Variants in ITCH observed in about 807,000 individuals in gnomAD.
ITCH encodes the protein itchy E3 ubiquitin protein ligase.
Under a neutral mutation model 126.8 loss-of-function variants are expected in ITCH, and 28 were observed. The ratio of observed to expected loss-of-function variants is 0.22; its 90% CI spans 0.16 to 0.30. ITCH has a LOEUF of 0.30. ITCH is among the 10% of genes least tolerant of loss of function. The pLI, the probability that ITCH is intolerant of heterozygous loss-of-function variation, is 1.00. For synonymous variants in ITCH, 342 were observed against 340.0 expected, an observed-to-expected ratio of 1.01 and a Z score of -0.06; for missense variants, 631 against 1,032.4, an observed-to-expected ratio of 0.61 and a Z score of 5.33.
intron 12 of ITCH, among the ~76,000 whole-genome samples, chr20:34,456,137 T>A (rs1985885460): frequency 6.9e-6 from 1 of 145,324 alleles, no homozygotes; most frequent in African/African-American, 2.5e-5. Flanking sequence ...ATATTCCTTA[T>A]TTTATATATA....
chr20:34,407,773 C>A (rs1040928397), intron 3 of ITCH, among the ~76,000 whole-genome samples: 2 of 152,166 alleles, frequency 1.3e-5, no homozygotes, highest in Non-Finnish European at 1.5e-5. Context: ...TTCTCAAAGG[C>A]CTTCCTTACT....
At chr20:34,481,884 G>A (rs964152390) in intron 20 of ITCH, among the ~76,000 whole-genome samples, 7 of 152,160 alleles carry the variant, frequency 4.6e-5, no homozygotes, top group African/African-American at 1.7e-4. Flanking sequence ...GGTGGCATGT[G>A]CCTGTAATCC....
intron 23 of ITCH, among the ~76,000 whole-genome samples, chr20:34,501,301 C>T (rs1039672145): frequency 1.3e-5 from 2 of 152,222 alleles, no homozygotes; most frequent in South Asian, 2.1e-4. Context: ...AATACTTATA[C>T]ATAGCCTTAA....
At chr20:34,420,284 G>C (rs1381116808) in intron 6 of ITCH, among the ~76,000 whole-genome samples, 9 of 152,064 alleles carry the variant, frequency 5.9e-5, no homozygotes, top group African/African-American at 2.2e-4. Context: ...TCTGCTCTCT[G>C]TCTCTATGGA....
chr20:34,431,139 A>T (rs1982237383), intron 7 of ITCH, among the ~76,000 whole-genome samples: 1 of 152,148 alleles, frequency 6.6e-6, no homozygotes, highest in Non-Finnish European at 1.5e-5. Context: ...CTGGCAGGGC[A>T]TGGTGGCTAA....
At chr20:34,417,840 T>A (rs1386932931) in intron 6 of ITCH, among the ~76,000 whole-genome samples, 1 of 151,810 alleles carries the variant, frequency 6.6e-6, no homozygotes, top group Non-Finnish European at 1.5e-5. Context: ...TGGGATGGTT[T>A]TTTTGGTGAG....
In ITCH at chr20:34,445,464, G is replaced by A; in HGVS notation, c.1140+3G>A. 6.2e-7 allele frequency: 1 copy of A among 1,613,590 alleles called. No individual in the cohort carries two copies. Among genetic ancestry groups the A allele is most frequent in the Non-Finnish European group, 8.5e-7 (1 of 1,179,516 alleles). Reference sequence around the variant, plus strand: ...TTAACCAGAGATTCATTTATGGGGTGAGCAGCCTGTTGTTTAATAAACTAA... The same window carrying A: ...TTAACCAGAGATTCATTTATGGGGTAAGCAGCCTGTTGTTTAATAAACTAA... On this transcript the variant is annotated splice_donor_region_variant and intron_variant, in intron 11 of 24. Transcript: ENST00000374864.
intron 23 of ITCH, among the ~76,000 whole-genome samples, chr20:34,501,539 G>GCTGAGGCGGGCGGATCAC (rs1990243467): frequency 6.6e-6 from 1 of 152,196 alleles, no homozygotes; most frequent in African/African-American, 2.4e-5. Flanking sequence ...ACTTTGGGAG[G>GCTGAGGCGGGCGGATCAC]CTGAGGCGGG....
chr20:34,464,428 G>T (rs1175562813), intron 14 of ITCH, among the ~76,000 whole-genome samples: 1 of 150,784 alleles, frequency 6.6e-6, no homozygotes, highest in Non-Finnish European at 1.5e-5. Flanking sequence ...CTGGGTTCAA[G>T]CTATTCTCCT....
At chr20:34,427,583 G>A (rs1981716361) in intron 7 of ITCH, among the ~76,000 whole-genome samples, 1 of 152,094 alleles carries the variant, frequency 6.6e-6, no homozygotes, top group South Asian at 2.1e-4. Flanking sequence ...ACTGTACTCA[G>A]AGTGATGACA....
Position 34,481,155 on chromosome 20 carries a change from C to T in ITCH, c.2042C>T (p.Pro681Leu). The T allele has an allele frequency of 6.2e-7, 1 of 1,613,208 alleles. No individual in the cohort carries two copies. Among genetic ancestry groups the T allele is most frequent in the Non-Finnish European group, 8.5e-7 (1 of 1,179,420 alleles). The change falls in exon 20 of 25, where the codon CCT becomes CTT. Residue 681 changes from proline (P) to leucine (L), a missense_variant. Transcript: ENST00000374864. ...GAAATTAAGAGTCATGATCTGAAAC[C>T]TAATGGTGGCAATATTCTTGTAACA... ...LGEIKSHDLKPNGGNILVTEE... is the reference protein window; with the variant it reads ...LGEIKSHDLKLNGGNILVTEE...
At chr20:34,375,613 A>G (rs1261497346) in intron 2 of ITCH, among the ~76,000 whole-genome samples, 1 of 149,788 alleles carries the variant, frequency 6.7e-6, no homozygotes, top group Non-Finnish European at 1.5e-5. Flanking sequence ...CATGATAAAT[A>G]TATACCTTTT....
chr20:34,379,653 A>C (rs1227655117), intron 2 of ITCH, among the ~76,000 whole-genome samples: 1 of 137,182 alleles, frequency 7.3e-6, no homozygotes, highest in Non-Finnish European at 1.5e-5. Flanking sequence ...GGAGTGCAGT[A>C]GTGCGATCTT....
intron 1 of ITCH, among the ~76,000 whole-genome samples, chr20:34,363,990 C>T (rs939278510): frequency 1.3e-5 from 2 of 152,192 alleles, no homozygotes; most frequent in African/African-American, 4.8e-5. Flanking sequence ...CACTGCCCTT[C>T]CTCCGGAGAG....
intron 14 of ITCH, 63 bp downstream of exon 14, chr20:34,462,284 GA>G: frequency 6.6e-7 from 1 of 1,524,088 alleles, no homozygotes; most frequent in Admixed American, 1.7e-5. Flanking sequence ...TTGATATAAA[GA>G]TTTGTATTAG....
intron 2 of ITCH, among the ~76,000 whole-genome samples, chr20:34,377,006 C>G (rs2037871808): frequency 6.6e-6 from 1 of 152,194 alleles, no homozygotes; most frequent in Non-Finnish European, 1.5e-5. Flanking sequence ...ATCCCTTACT[C>G]AGTCCCAACA....
intron 16 of ITCH, among the ~76,000 whole-genome samples, chr20:34,473,068 T>G (rs1005325947): frequency 1.3e-5 from 2 of 152,188 alleles, no homozygotes; most frequent in African/African-American, 4.8e-5. Flanking sequence ...TTTTTAAAGC[T>G]GTCACCCTAG....
chr20:34,374,150 A>G (rs1258736277), intron 2 of ITCH, among the ~76,000 whole-genome samples: 2 of 152,128 alleles, frequency 1.3e-5, no homozygotes, highest in Admixed American at 1.3e-4. Flanking sequence ...AGAAATAACC[A>G]TCTGCATTTA....
At chr20:34,450,235 T>C (rs1433391665) in intron 12 of ITCH, among the ~76,000 whole-genome samples, 1 of 152,206 alleles carries the variant, frequency 6.6e-6, no homozygotes, top group Non-Finnish European at 1.5e-5. Flanking sequence ...AAAAATGAAG[T>C]ATATGTGAGA....
Sources: gnomAD v4.1 joint callset for allele counts (sites outside exome capture counted in the v4.1 genomes callset) on GRCh38, gnomAD v4.1.1 for gene constraint, MANE v1.5 for transcripts, NCBI Gene and HGNC (gene_info 2026-07-23, HGNC 2026-07-21) for gene names.